Variants in EMP2 observed in about 807,000 individuals in gnomAD.
EMP2 encodes the protein epithelial membrane protein 2.
Under a neutral mutation model 13.7 loss-of-function variants are expected in EMP2, and 19 were observed. The observed-to-expected ratio is 1.38, with a 90% CI of 0.97 to 2.03. EMP2 has a LOEUF of 2.03. EMP2 is among the 30% of genes most tolerant of loss of function. The pLI is 0.00. For missense variants in EMP2, 253 were observed against 220.7 expected (o/e 1.15, Z -0.93); for synonymous variants, 97 against 84.7 (o/e 1.15, Z -0.80).
intron 1 of EMP2, among the ~76,000 whole-genome samples, chr16:10,574,782 C>A (rs911763916): frequency 6.6e-6 from 1 of 151,896 alleles, no homozygotes; most frequent in African/African-American, 2.4e-5. Flanking sequence ...GATCTCCTGA[C>A]CTCACCATCC....
chr16:10,575,042 C>A (rs2050972719), intron 1 of EMP2, among the ~76,000 whole-genome samples: 1 of 152,024 alleles, frequency 6.6e-6, no homozygotes, highest in Non-Finnish European at 1.5e-5. Context: ...TGTGCCACCA[C>A]ATCCAGCTAA....
intron 1 of EMP2, among the ~76,000 whole-genome samples, chr16:10,565,229 T>C (rs1567209223): frequency 1.3e-5 from 2 of 152,212 alleles, no homozygotes; most frequent in African/African-American, 4.8e-5. Context: ...AACGAAAGCA[T>C]CTCAGATAGT....
Position 10,549,729 on chromosome 16 carries a change from TCA to T in EMP2, c.-60-2054_-60-2053del, listed in dbSNP as rs71402494. On this transcript the variant is annotated intron_variant, in intron 1 of 4. Transcript: ENST00000359543. ...GATTAATGCACGCACACACACACAC[TCA>T]CACACACACACACACACATACACTG... is the stretch of plus-strand genomic sequence containing the variant. Among the ~76,000 whole-genome samples, 372 of 149,658 alleles carry T rather than the reference TCA, an allele frequency of 2.5e-3. 1 individual carries two copies. The highest frequency in any genetic ancestry group is 0.01 in the Middle Eastern group (3 of 290).
chr16:10,558,371 C>G (rs943155333), intron 1 of EMP2, among the ~76,000 whole-genome samples: 7 of 152,070 alleles, frequency 4.6e-5, no homozygotes, highest in Non-Finnish European at 1.0e-4. Context: ...GATAGTGCTC[C>G]CAGAAATGTC....
At chr16:10,578,749 C>G (rs894068922) in intron 1 of EMP2, among the ~76,000 whole-genome samples, 3 of 152,256 alleles carry the variant, frequency 2.0e-5, no homozygotes, top group African/African-American at 7.2e-5. Flanking sequence ...AGCCCTCTGC[C>G]TCCTACTCGA....
At chr16:10,555,726 T>C (rs2050822653) in intron 1 of EMP2, among the ~76,000 whole-genome samples, 1 of 152,168 alleles carries the variant, frequency 6.6e-6, no homozygotes. Flanking sequence ...TAGCTGGGAT[T>C]ACAGGCATGC....
At chr16:10,568,023 GA>G (rs1225984609) in intron 1 of EMP2, among the ~76,000 whole-genome samples, 1 of 152,202 alleles carries the variant, frequency 6.6e-6, no homozygotes, top group Non-Finnish European at 1.5e-5. Context: ...CTTGCCTCAG[GA>G]AGCCCAGAGC....
At chr16:10,570,866 G>C in intron 1 of EMP2, among the ~76,000 whole-genome samples, 1 of 152,000 alleles carries the variant, frequency 6.6e-6, no homozygotes, top group Non-Finnish European at 1.5e-5. Flanking sequence ...AGGTCTTAAA[G>C]GATAAAGAAT....
At chr16:10,573,266 G>C (rs890731500) in intron 1 of EMP2, among the ~76,000 whole-genome samples, 61 of 152,176 alleles carry the variant, frequency 4.0e-4, no homozygotes, top group African/African-American at 1.2e-3. Flanking sequence ...GCCCAGGCTG[G>C]TCTCAAAACT....
intron 1 of EMP2, among the ~76,000 whole-genome samples, chr16:10,562,395 T>A (rs1055498851): frequency 6.6e-6 from 1 of 151,742 alleles, no homozygotes; most frequent in African/African-American, 2.4e-5. Context: ...TATCTCTCTC[T>A]CTCTATCTCT....
At chr16:10,551,972 G>C (rs1349445609) in intron 1 of EMP2, among the ~76,000 whole-genome samples, 1 of 152,172 alleles carries the variant, frequency 6.6e-6, no homozygotes, top group African/African-American at 2.4e-5. Flanking sequence ...TCCTGGCTGT[G>C]ATTCTGTGCA....
chr16:10,551,542 G>T (rs1047772199), intron 1 of EMP2, among the ~76,000 whole-genome samples: 1 of 152,176 alleles, frequency 6.6e-6, no homozygotes, highest in African/African-American at 2.4e-5. Flanking sequence ...CAGTAGCTGG[G>T]ACTACAGGCA....
chr16:10,550,995 A>C (rs2050784246), intron 1 of EMP2, among the ~76,000 whole-genome samples: 1 of 152,056 alleles, frequency 6.6e-6, no homozygotes. Context: ...AAATTGTAGA[A>C]GTGATATTTG....
At chr16:10,536,497 T>C (rs1242920043) in intron 4 of EMP2, among the ~76,000 whole-genome samples, 1 of 152,188 alleles carries the variant, frequency 6.6e-6, no homozygotes, top group Non-Finnish European at 1.5e-5. Context: ...GGAGTTCCCC[T>C]GCACACGCTC....
intron 1 of EMP2, among the ~76,000 whole-genome samples, chr16:10,579,739 C>CACACACACACA (rs58884484): frequency 6.9e-6 from 1 of 145,750 alleles, no homozygotes; most frequent in African/African-American, 2.5e-5. Context: ...CACACACACA[C>CACACACACACA]CCTCAAAGCT....
At chr16:10,572,403 C>A (rs766220498) in intron 1 of EMP2, among the ~76,000 whole-genome samples, 1 of 151,782 alleles carries the variant, frequency 6.6e-6, no homozygotes, top group Non-Finnish European at 1.5e-5. Flanking sequence ...GCTGTGACTG[C>A]ACCACTACAC....
At chr16:10,557,463 G>A (rs1233106453) in intron 1 of EMP2, among the ~76,000 whole-genome samples, 6 of 152,062 alleles carry the variant, frequency 3.9e-5, no homozygotes, top group Admixed American at 1.3e-4. Context: ...AAGCTGAAGC[G>A]CTTGCTGTCT....
intron 4 of EMP2, among the ~76,000 whole-genome samples, chr16:10,533,906 T>A (rs533079768): frequency 6.6e-6 from 1 of 152,012 alleles, no homozygotes; most frequent in East Asian, 1.9e-4. Context: ...CTGAGGTCAG[T>A]AGTTCCAGAC....
At chr16:10,574,234 G>A (rs1015206004) in intron 1 of EMP2, among the ~76,000 whole-genome samples, 5 of 152,124 alleles carry the variant, frequency 3.3e-5, no homozygotes, top group South Asian at 2.1e-4. Context: ...TACTGCGCCC[G>A]GCCCCTTGTT....
Sources: allele counts gnomAD v4.1 joint callset (sites outside exome capture counted in the v4.1 genomes callset), GRCh38; gene constraint gnomAD v4.1.1; transcripts MANE v1.5; gene names NCBI Gene and HGNC (gene_info 2026-07-23, HGNC 2026-07-21).